HERPUD2: variants seen among roughly 807,000 people sequenced by gnomAD.
HERPUD2 encodes HERPUD family member 2, also known as homocysteine-responsive endoplasmic reticulum-resident ubiquitin-like domain member 2 protein.
In HERPUD2, 13 loss-of-function variants were observed where a neutral mutation model predicts 49.9. The observed-to-expected ratio is 0.26, with a 90% CI of 0.17 to 0.41. HERPUD2 has a LOEUF of 0.41. HERPUD2 is among the 10% of genes least tolerant of loss of function. The pLI is 1.00. For synonymous variants in HERPUD2, 172 were observed against 171.4 expected, an observed-to-expected ratio of 1.00 and a Z score of -0.03; for missense variants, 449 against 492.2, an observed-to-expected ratio of 0.91 and a Z score of 0.83.
chr7:35,674,378 C>T (rs1224539256), intron 2 of HERPUD2, among the ~76,000 whole-genome samples: 4 of 34,930 alleles, frequency 1.1e-4, no homozygotes, highest in African/African-American at 4.6e-4. Context: ...AGTCTTACAA[C>T]CTATATATAT....
intron 5 of HERPUD2, among the ~76,000 whole-genome samples, chr7:35,657,116 G>A (rs1305599662): frequency 1.3e-5 from 2 of 151,870 alleles, no homozygotes; most frequent in African/African-American, 2.4e-5. Context: ...AGCTGACAAG[G>A]AACTAATATG....
chr7:35,662,320 T>C lies in HERPUD2; in HGVS notation c.494+5114A>G, dbSNP rs777864544. Among the ~76,000 whole-genome samples, 58 of 152,204 alleles carry C rather than the reference T, an allele frequency of 3.8e-4. 1 individual carries two copies. Among genetic ancestry groups the C allele is most frequent in the Non-Finnish European group, 4.3e-4 (29 of 68,034 alleles). On this transcript the variant is annotated intron_variant, in intron 5 of 8. Coordinates refer to ENST00000311350, the MANE Select transcript of HERPUD2 (RefSeq NM_022373.5). ...TTTACATCGATGTTCATCGGGGATA[T>C]TGGTCTAAAATTCTCTTTTTTTGTT...
rs1195944360 is a variant in HERPUD2, at chr7:35,666,074, A to G, written c.494+1360T>C. The stretch of plus-strand genomic sequence containing the variant: ...GTAAAATCACTCTGTATAAACTGAG[A>G]GGAACTTACTCTGTGAAAAAGAAAG... On this transcript the variant is annotated intron_variant, in intron 5 of 8. Coordinates refer to ENST00000311350, the MANE Select transcript of HERPUD2 (RefSeq NM_022373.5). Among the ~76,000 whole-genome samples the G allele has an allele frequency of 3.9e-5, 6 of 152,344 alleles. No homozygotes were observed. In the East Asian group the frequency reaches 1.2e-3, roughly 29 times the overall value.
intron 5 of HERPUD2, among the ~76,000 whole-genome samples, chr7:35,665,059 G>A (rs891050740): frequency 6.6e-6 from 1 of 152,158 alleles, no homozygotes; most frequent in Non-Finnish European, 1.5e-5. Flanking sequence ...AGGCTACTCG[G>A]GGGTCAGGGA....
In HERPUD2 at chr7:35,670,429, G is replaced by A. The variant is rs79488510; in HGVS notation, c.226-101C>T. 2.3e-3 allele frequency: 1,009 copies of A among 439,290 alleles called. 7 individuals are homozygous for A. The highest frequency in any genetic ancestry group is 0.019 in the African/African-American group (931 of 49,224). 27.2% of individuals were successfully genotyped at this position (439,290 alleles called of 1,614,324 possible). ...AATACCTAAAACTTAGGTCCCTTTCGAGCCTAGCCATTTAATTACTGATAA... is the reference window on the plus strand; with the variant it reads ...AATACCTAAAACTTAGGTCCCTTTCAAGCCTAGCCATTTAATTACTGATAA... On this transcript the variant is annotated intron_variant, in intron 3 of 8. Coordinates refer to ENST00000311350, the MANE Select transcript of HERPUD2 (RefSeq NM_022373.5).
rs1038028747 is a variant in HERPUD2 at position 35,670,428 on chromosome 7, C to T, written c.226-100G>A. Reference sequence around the variant, plus strand: ...AAATACCTAAAACTTAGGTCCCTTTCGAGCCTAGCCATTTAATTACTGATA... The same window carrying T: ...AAATACCTAAAACTTAGGTCCCTTTTGAGCCTAGCCATTTAATTACTGATA... On this transcript the variant is annotated intron_variant, in intron 3 of 8. Coordinates refer to ENST00000311350, the MANE Select transcript of HERPUD2 (RefSeq NM_022373.5). The T allele has an allele frequency of 9.1e-6, 4 of 439,046 alleles. No individual in the cohort carries two copies. In the Admixed American group the frequency reaches 1.2e-4, roughly 13 times the overall value. The allele number at this position is 439,046 out of a possible 1,614,324, so 27.2% of individuals were successfully genotyped here.
At chr7:35,685,325 G>GT (rs60181158) in intron 2 of HERPUD2, among the ~76,000 whole-genome samples, 98 of 125,128 alleles carry the variant, frequency 7.8e-4, no homozygotes, top group Non-Finnish European at 9.7e-4. Context: ...AATTTTTTTT[G>GT]TTTTTTTTTT....
At chr7:35,682,318 CATACACACGT>C (rs1785919626) in intron 2 of HERPUD2, among the ~76,000 whole-genome samples, 1 of 41,750 alleles carries the variant, frequency 2.4e-5, no homozygotes, top group African/African-American at 1.1e-4. Flanking sequence ...GATATATACA[CATACACACGT>C]GTGTGTGTGT....
intron 5 of HERPUD2, among the ~76,000 whole-genome samples, chr7:35,642,355 TTGG>T (rs746298906): frequency 2.0e-5 from 3 of 152,174 alleles, no homozygotes; most frequent in Non-Finnish European, 4.4e-5. Context: ...TTCTACACTG[TTGG>T]TGGGAGTGTA....
Position 35,667,581 on chromosome 7 carries a change from T to G in HERPUD2, c.347A>C (p.Asp116Ala), listed in dbSNP as rs935286862. Residue 116 changes from aspartate to alanine, a missense_variant, in exon 5 of 9, where the codon GAT becomes GCT. Coordinates refer to ENST00000311350, the MANE Select transcript of HERPUD2 (RefSeq NM_022373.5). ...ALASSSNSSS[D>A]HSGSTTPSSG... is the part of the protein sequence containing the mutation. ...TGATGGAGTTGTTGATCCTGAATGA[T>G]CTGAACTCTACAAATAAAAATGTAA... The G allele has an allele frequency of 1.2e-6, 2 of 1,609,622 alleles. No homozygotes were observed. Among genetic ancestry groups the G allele is most frequent in the Non-Finnish European group, 1.7e-6 (2 of 1,176,334 alleles).
intron 2 of HERPUD2, among the ~76,000 whole-genome samples, chr7:35,674,524 G>A (rs73094487): frequency 0.012 from 1,784 of 148,900 alleles, 17 homozygotes; most frequent in Non-Finnish European, 0.02. Flanking sequence ...GTTTCCTGCC[G>A]AACAGCTCCT....
intron 2 of HERPUD2, among the ~76,000 whole-genome samples, chr7:35,688,427 G>T (rs1786110435): frequency 6.6e-6 from 1 of 152,172 alleles, no homozygotes; most frequent in Non-Finnish European, 1.5e-5. Flanking sequence ...CATGGGTAGA[G>T]ATATATGATA....
At chr7:35,658,136 C>T (rs1562675560) in intron 5 of HERPUD2, among the ~76,000 whole-genome samples, 1 of 152,134 alleles carries the variant, frequency 6.6e-6, no homozygotes. Flanking sequence ...CAATAGAACA[C>T]TATTTCACCG....
intron 5 of HERPUD2, among the ~76,000 whole-genome samples, chr7:35,646,733 C>T (rs370905691): frequency 1.0e-3 from 156 of 152,100 alleles, no homozygotes; most frequent in African/African-American, 3.5e-3. Context: ...ATTCTTTATG[C>T]AAGGAAAACT....
At chr7:35,690,375 T>A (rs778942460) in intron 2 of HERPUD2, among the ~76,000 whole-genome samples, 1 of 152,252 alleles carries the variant, frequency 6.6e-6, no homozygotes, top group African/African-American at 2.4e-5. Context: ...TTCACAAATA[T>A]GGCAACTGCC....
In HERPUD2 at chr7:35,686,811, GGGGGGGGGGGTGGGGGGGT is replaced by G. The variant is rs869169592; in HGVS notation, c.147+7354_147+7372del. On this transcript the variant is annotated intron_variant, in intron 2 of 8. Transcript: ENST00000311350. ...TAATTCCAGCACTTTGGGAGGCTGG[GGGGGGGGGGGTGGGGGGGT>G]GGGGGGGGGCGCGAGTCACGAGGTC... is the stretch of plus-strand genomic sequence containing the variant. Among the ~76,000 whole-genome samples, 159 of 24,776 alleles carry G rather than the reference GGGGGGGGGGGTGGGGGGGT, an allele frequency of 6.4e-3. 17 individuals are homozygous for G. The highest frequency in any genetic ancestry group is 0.021 in the South Asian group (6 of 286). 16.3% of individuals were successfully genotyped at this position (24,776 alleles called of 152,430 possible).
chr7:35,679,303 A>C (rs886952779), intron 2 of HERPUD2, among the ~76,000 whole-genome samples: 1 of 152,208 alleles, frequency 6.6e-6, no homozygotes, highest in African/African-American at 2.4e-5. Context: ...GCTAGCACAT[A>C]TTGTATTTAA....
chr7:35,655,444 T>C (rs1785257159), intron 5 of HERPUD2, among the ~76,000 whole-genome samples: 1 of 152,016 alleles, frequency 6.6e-6, no homozygotes, highest in Non-Finnish European at 1.5e-5. Context: ...ACATGATACA[T>C]CACATCAACA....
intron 2 of HERPUD2, among the ~76,000 whole-genome samples, chr7:35,682,351 GTGTGTGTATATATATATA>G (rs1785927440): frequency 5.9e-4 from 17 of 28,706 alleles, no homozygotes; most frequent in Admixed American, 1.7e-3. Context: ...GTGTGTGTGT[GTGTGTGTATATATATATA>G]TATATATATA....
Sources: gnomAD v4.1 joint callset for allele counts (sites outside exome capture counted in the v4.1 genomes callset) on GRCh38, gnomAD v4.1.1 for gene constraint, MANE v1.5 for transcripts, NCBI Gene and HGNC (gene_info 2026-07-23, HGNC 2026-07-21) for gene names.